NOP58: variants seen among roughly 807,000 people sequenced by gnomAD.
NOP58 encodes NOP58 ribonucleoprotein.
Under a neutral mutation model 71.2 loss-of-function variants are expected in NOP58, and 44 were observed. The observed-to-expected ratio is 0.62, with a 90% CI of 0.49 to 0.79. The LOEUF is 0.79. NOP58 is among the 30% of genes least tolerant of loss of function. The pLI, the probability that NOP58 is intolerant of heterozygous loss-of-function variation, is 0.00. For missense variants in NOP58, 538 were observed against 620.2 expected (o/e 0.87, Z 1.41); for synonymous variants, 228 against 200.3 (o/e 1.14, Z -1.17).
intron 7 of NOP58, 129 bp downstream of exon 7, chr2:202,290,586 G>A (rs1688869692): frequency 3.9e-6 from 3 of 771,896 alleles, no homozygotes; most frequent in South Asian, 3.6e-5. Context: ...TTTGGGAAGT[G>A]TAGCAGTTTA....
rs1356034868 is a variant in NOP58, at chr2:202,303,574, C to G, written c.*138C>G. On this transcript the variant is annotated 3_prime_UTR_variant, in exon 15 of 15. Transcript: ENST00000264279. ...TGATTTATCATCTATAACTTCAAAC[C>G]TATTTGTCTTGACATCAACTCTGTT... is the stretch of plus-strand genomic sequence containing the variant. The G allele has an allele frequency of 4.4e-6, 5 of 1,128,622 alleles. No individual in the cohort carries two copies. Among genetic ancestry groups the G allele is most frequent in the Non-Finnish European group, 4.8e-6 (4 of 833,960 alleles). The allele number at this position is 1,128,622 out of a possible 1,614,324, so 69.9% of individuals were successfully genotyped here.
At chr2:202,290,245 T>C (rs1688862804) in intron 6 of NOP58, 78 bp from the exon 7 acceptor site, 1 of 1,206,428 alleles carries the variant, frequency 8.3e-7, no homozygotes. Flanking sequence ...CAGCCTGAAG[T>C]GTTAAATTTT....
At chr2:202,292,017 C>T (rs1688910493) in intron 8 of NOP58, among the ~76,000 whole-genome samples, 2 of 100,458 alleles carry the variant, frequency 2.0e-5, no homozygotes, top group East Asian at 3.7e-4. Flanking sequence ...GACAGAGTCT[C>T]ACCCTGTAGC....
chr2:202,294,092 G>C (rs977066377), intron 9 of NOP58, among the ~76,000 whole-genome samples: 64 of 150,680 alleles, frequency 4.2e-4, no homozygotes, highest in African/African-American at 1.5e-3. Context: ...AGGTGGGTGG[G>C]TCACCTGAGG....
At chr2:202,276,229 T>C (rs1688586860) in intron 2 of NOP58, among the ~76,000 whole-genome samples, 1 of 151,170 alleles carries the variant, frequency 6.6e-6, no homozygotes, top group African/African-American at 2.4e-5. Context: ...TCCCAGCTAC[T>C]GGGAGGAAGC....
chr2:202,298,739 C>G (rs917900430), intron 12 of NOP58, among the ~76,000 whole-genome samples: 14 of 152,074 alleles, frequency 9.2e-5, no homozygotes, highest in Non-Finnish European at 8.8e-5. Context: ...AGCATTCAAA[C>G]TTAACTATCA....
chr2:202,269,330 C>T (rs2105835236), intron 1 of NOP58, among the ~76,000 whole-genome samples: 1 of 118,394 alleles, frequency 8.4e-6, no homozygotes, highest in Admixed American at 1.1e-4. Flanking sequence ...AGCCACCATG[C>T]CTGGCCTAAA....
chr2:202,274,663 G>A (rs946226503), intron 1 of NOP58, among the ~76,000 whole-genome samples: 7 of 152,126 alleles, frequency 4.6e-5, no homozygotes, highest in Admixed American at 2.6e-4. Flanking sequence ...TCAGGAGGCC[G>A]AGGCACTAGA....
intron 1 of NOP58, among the ~76,000 whole-genome samples, chr2:202,272,381 C>G (rs1197102779): frequency 1.3e-5 from 2 of 151,930 alleles, no homozygotes; most frequent in African/African-American, 4.8e-5. Context: ...GTCTCGATCT[C>G]CTGACCTCGT....
At chr2:202,292,669 G>T (rs1243682500) in intron 8 of NOP58, 108 bp from the exon 9 acceptor site, 2 of 846,904 alleles carry the variant, frequency 2.4e-6, no homozygotes, top group East Asian at 2.5e-5. Context: ...CAGTACCCAG[G>T]GTTGTGTAGC....
chr2:202,302,078 T>A (rs1342092515), intron 13 of NOP58, among the ~76,000 whole-genome samples: 1 of 137,406 alleles, frequency 7.3e-6, no homozygotes, highest in African/African-American at 3.1e-5. Context: ...TTTTCTTTTT[T>A]TTTTCTTTTT....
intron 1 of NOP58, 81 bp from the exon 2 acceptor site, chr2:202,275,032 G>C: frequency 3.1e-6 from 2 of 643,312 alleles, no homozygotes; most frequent in South Asian, 4.2e-5. Flanking sequence ...CATTTTACAT[G>C]TAAAATTGTA....
At chr2:202,300,502 G>A in intron 13 of NOP58, 135 bp downstream of exon 13, 1 of 653,556 alleles carries the variant, frequency 1.5e-6, no homozygotes, top group Non-Finnish European at 2.6e-6. Context: ...TTTTAATAAT[G>A]CCATTATGTT....
chr2:202,270,921 C>G (rs149035127), intron 1 of NOP58, among the ~76,000 whole-genome samples: 3 of 151,804 alleles, frequency 2.0e-5, no homozygotes, highest in Non-Finnish European at 4.4e-5. Flanking sequence ...AACCCCGTCT[C>G]TACTAAAAAT....
chr2:202,285,390 T>A (rs1688770929), intron 5 of NOP58, among the ~76,000 whole-genome samples: 1 of 141,214 alleles, frequency 7.1e-6, no homozygotes, highest in African/African-American at 2.7e-5. Flanking sequence ...ACTCTGTTGC[T>A]CAGGCTGGGG....
chr2:202,277,904 G>C, intron 2 of NOP58, 46 bp from the exon 3 acceptor site: 2 of 988,208 alleles, frequency 2.0e-6, no homozygotes, highest in Non-Finnish European at 1.6e-6. Flanking sequence ...TTGAATCAAC[G>C]CACTGCCCCC....
At position 202,275,202 on chromosome 2, in the gene NOP58, G is replaced by T; in HGVS notation, c.122+13G>T. 7.2e-7 allele frequency: 1 copy of T among 1,391,596 alleles called. No individual in the cohort carries two copies. The highest frequency in any genetic ancestry group is 1.2e-5 in the South Asian group (1 of 81,424). 86.2% of individuals were successfully genotyped at this position (1,391,596 alleles called of 1,614,324 possible). On this transcript the variant is annotated intron_variant, in intron 2 of 14. Transcript: ENST00000264279. ...AAGCAAACAAAATGTAAGTACTCTT[G>T]AAATCAATAATTTAGCAGTTAACAT... is the stretch of plus-strand genomic sequence containing the variant.
intron 9 of NOP58, among the ~76,000 whole-genome samples, chr2:202,294,946 C>T (rs1333801185): frequency 6.7e-6 from 1 of 148,846 alleles, no homozygotes; most frequent in Non-Finnish European, 1.5e-5. Context: ...GCCTGCGCAA[C>T]AGAGCGAAAC....
chr2:202,272,327 G>C (rs1231417568), intron 1 of NOP58, among the ~76,000 whole-genome samples: 1 of 151,710 alleles, frequency 6.6e-6, no homozygotes, highest in Non-Finnish European at 1.5e-5. Flanking sequence ...TAATTTTTTT[G>C]TATTTTTAGT....
Sources: gnomAD v4.1 joint callset for allele counts (sites outside exome capture counted in the v4.1 genomes callset) on GRCh38, gnomAD v4.1.1 for gene constraint, MANE v1.5 for transcripts, NCBI Gene and HGNC (gene_info 2026-07-23, HGNC 2026-07-21) for gene names.